Variants in FGD6 observed in about 807,000 individuals in gnomAD.
The protein encoded by FGD6 is FYVE, RhoGEF and PH domain-containing protein 6.
Under a neutral mutation model 149.4 loss-of-function variants are expected in FGD6, and 90 were observed. That is an observed-to-expected ratio of 0.60 (90% CI 0.51 to 0.72). The LOEUF (loss-of-function observed/expected upper bound fraction) is 0.72. FGD6 is among the 30% of genes least tolerant of loss of function. The probability of loss-of-function intolerance (pLI) is 0.00; values close to 1 mark genes in which losing one functional copy is unlikely to be tolerated. For missense variants in FGD6, 1,437 were observed against 1,684.8 expected (o/e 0.85, Z 2.57); for synonymous variants, 527 against 584.0 (o/e 0.90, Z 1.41).
At chr12:95,161,916 T>G (rs1308284829) in intron 3 of FGD6, among the ~76,000 whole-genome samples, 1 of 152,046 alleles carries the variant, frequency 6.6e-6, no homozygotes, top group Non-Finnish European at 1.5e-5. Flanking sequence ...GATTCCCAGG[T>G]ACTGTCTTAG....
At chr12:95,086,917 A>G (rs959391772) in intron 18 of FGD6, among the ~76,000 whole-genome samples, 4 of 136,858 alleles carry the variant, frequency 2.9e-5, no homozygotes, top group Admixed American at 2.5e-4. Context: ...GCACAATCTC[A>G]GCTCGCTGCA....
intron 9 of FGD6, among the ~76,000 whole-genome samples, chr12:95,110,364 T>TA (rs774384260): frequency 4.7e-5 from 7 of 148,542 alleles, no homozygotes; most frequent in Non-Finnish European, 1.0e-4. Context: ...TATCAGAATT[T>TA]TTTTTTTTTT....
chr12:95,170,215 T>C (rs1258844161), intron 3 of FGD6, among the ~76,000 whole-genome samples: 2 of 152,258 alleles, frequency 1.3e-5, no homozygotes, highest in African/African-American at 4.8e-5. Context: ...TATCATTTTC[T>C]AAGAGGCTTT....
chr12:95,199,613 C>CA, intron 2 of FGD6, among the ~76,000 whole-genome samples: 1 of 123,534 alleles, frequency 8.1e-6, no homozygotes, highest in African/African-American at 3.4e-5. Flanking sequence ...GGAAAAGCTA[C>CA]CTTTTTTTTT....
intron 2 of FGD6, among the ~76,000 whole-genome samples, chr12:95,196,845 G>A (rs1326785042): frequency 1.3e-5 from 2 of 151,294 alleles, no homozygotes; most frequent in East Asian, 4.0e-4. Flanking sequence ...TCACTATATT[G>A]CCCAGGCTGG....
At position 95,121,219 on chromosome 12, in the gene FGD6, C is replaced by T. The variant is rs563962709; in HGVS notation, c.3083-7518G>A. On this transcript the variant is annotated intron_variant, in intron 8 of 20. Coordinates refer to ENST00000343958, the MANE Select transcript of FGD6 (RefSeq NM_018351.4). ...CTTTGGGAGGCCGAAGCGGGCAGAT[C>T]ACTTGAGGTCAGTTGTTTGAGACCA... Among the ~76,000 whole-genome samples, 98 of 151,916 alleles carry T rather than the reference C, an allele frequency of 6.5e-4. 1 individual carries two copies. Among genetic ancestry groups the T allele is most frequent in the African/African-American group, 2.2e-3 (93 of 41,476 alleles).
Position 95,141,542 on chromosome 12 carries a change from A to G in FGD6, c.2686-3T>C, listed in dbSNP as rs1879845746. 3 of 1,614,046 alleles carry G rather than the reference A, an allele frequency of 1.9e-6. No individual in the cohort carries two copies. Among genetic ancestry groups the G allele is most frequent in the Non-Finnish European group, 2.5e-6 (3 of 1,179,972 alleles). On this transcript the variant is annotated splice_region_variant and splice_polypyrimidine_tract_variant and intron_variant, in intron 5 of 20. Transcript: ENST00000343958. ...TGAGCTACTGCATCCCGGAAATCCT[A>G]TTACAGTCCAGAGCAGGAAAAACAA...
At chr12:95,133,103 G>A (rs920255942) in intron 8 of FGD6, among the ~76,000 whole-genome samples, 1 of 152,202 alleles carries the variant, frequency 6.6e-6, no homozygotes, top group Admixed American at 6.5e-5. Context: ...CAGAAACCTA[G>A]TGCCTGATTC....
At chr12:95,085,651 A>G in intron 19 of FGD6, 129 bp downstream of exon 19, 1 of 998,394 alleles carries the variant, frequency 1.0e-6, no homozygotes, top group Non-Finnish European at 1.4e-6. Flanking sequence ...TAACAGCAAC[A>G]ACACCTCCCC....
Position 95,210,827 on chromosome 12 carries a change from T to G in FGD6, c.457A>C (p.Ile153Leu). 1.9e-6 allele frequency: 3 copies of G among 1,613,328 alleles called. No homozygotes were observed. Among genetic ancestry groups the G allele is most frequent in the Non-Finnish European group, 2.5e-6 (3 of 1,179,874 alleles). ...AAATCACATTTACTCCTAGTTTTTA[T>G]AGTCAAAGTCTCATCAATTTTACTG... The part of the protein sequence containing the change: ...ENSKIDETLT[I>L]KTRSKCDLYG... The change falls in exon 2 of 21, where the codon ATA becomes CTA. Residue 153 changes from isoleucine to leucine, a missense_variant. Physicochemically the swap from Ile to Leu is conservative, Grantham distance 5 (BLOSUM62 2). Coordinates refer to ENST00000343958, the MANE Select transcript of FGD6 (RefSeq NM_018351.4).
intron 18 of FGD6, among the ~76,000 whole-genome samples, chr12:95,088,328 C>A (rs961972655): frequency 5.9e-5 from 9 of 151,896 alleles, no homozygotes; most frequent in African/African-American, 1.9e-4. Flanking sequence ...TAGACTTTAC[C>A]ATTATACAAC....
intron 1 of FGD6, among the ~76,000 whole-genome samples, chr12:95,211,827 C>T (rs1252603142): frequency 4.6e-5 from 7 of 152,138 alleles, no homozygotes; most frequent in Non-Finnish European, 8.8e-5. Context: ...CGTGAGCCAC[C>T]GCGCCCAGCC....
intron 19 of FGD6, among the ~76,000 whole-genome samples, chr12:95,085,060 G>A (rs1877813431): frequency 6.6e-6 from 1 of 152,166 alleles, no homozygotes; most frequent in South Asian, 2.1e-4. Flanking sequence ...GATCAGGTAG[G>A]AGAAAAGGAC....
chr12:95,077,901 AG>A lies in FGD6; in HGVS notation c.*3618del, dbSNP rs1359803117. 1 of 152,258 alleles carries A rather than the reference AG, an allele frequency of 6.6e-6. No homozygotes were observed. The highest frequency in any genetic ancestry group is 2.4e-5 in the African/African-American group (1 of 41,458). 9.4% of individuals were successfully genotyped at this position (152,258 alleles called of 1,614,324 possible). ...TTGAGGACTCATATAGATAGCCAATAGGTAGTTACAGATGTAGCTTTGCAGG... is the reference window on the plus strand; with the variant it reads ...TTGAGGACTCATATAGATAGCCAATAGTAGTTACAGATGTAGCTTTGCAGG... On this transcript the variant is annotated 3_prime_UTR_variant, in exon 21 of 21. Coordinates refer to ENST00000343958, the MANE Select transcript of FGD6 (RefSeq NM_018351.4).
chr12:95,202,016 C>T (rs2056665812), intron 2 of FGD6, among the ~76,000 whole-genome samples: 1 of 151,040 alleles, frequency 6.6e-6, no homozygotes, highest in South Asian at 2.1e-4. Context: ...TTCTTCCATA[C>T]ATTTTTGTAG....
chr12:95,106,903 A>AAAACG, intron 13 of FGD6, 51 bp downstream of exon 13: 4 of 1,300,730 alleles, frequency 3.1e-6, no homozygotes, highest in East Asian at 5.0e-5. Context: ...CAAACAAAAC[A>AAAACG]AAACAAAACA....
chr12:95,137,838 A>G (rs1879719769), intron 6 of FGD6, among the ~76,000 whole-genome samples, 160 bp from the exon 7 acceptor site: 1 of 152,116 alleles, frequency 6.6e-6, no homozygotes, highest in Non-Finnish European at 1.5e-5. Context: ...CACTGCCACC[A>G]TCCCATCTTG....
At chr12:95,215,989 G>T (rs1254345079) in intron 1 of FGD6, among the ~76,000 whole-genome samples, 1 of 152,188 alleles carries the variant, frequency 6.6e-6, no homozygotes, top group Non-Finnish European at 1.5e-5. Flanking sequence ...TTTACCTTAT[G>T]TAAGTATAAA....
chr12:95,197,976 C>A (rs1432836036), intron 2 of FGD6, among the ~76,000 whole-genome samples: 1 of 152,180 alleles, frequency 6.6e-6, no homozygotes, highest in African/African-American at 2.4e-5. Context: ...ACTCTTCCTG[C>A]ATGAAAAATC....
Sources: gnomAD v4.1 joint callset for allele counts (sites outside exome capture counted in the v4.1 genomes callset) on GRCh38, gnomAD v4.1.1 for gene constraint, MANE v1.5 for transcripts, NCBI Gene and HGNC (gene_info 2026-07-23, HGNC 2026-07-21) for gene names.